TCF21: variants seen among roughly 807,000 people sequenced by gnomAD.
TCF21 encodes capsulin.
In TCF21, 3 loss-of-function variants were observed where a neutral mutation model predicts 13.5. The observed-to-expected ratio is 0.22, with a 90% CI of 0.10 to 0.57. The LOEUF (loss-of-function observed/expected upper bound fraction) is 0.57. Ranked by LOEUF, TCF21 falls within the 20% of genes least tolerant of loss-of-function variation. The pLI is 0.92. For missense variants in TCF21, 181 were observed against 238.4 expected, an observed-to-expected ratio of 0.76 and a Z score of 1.59; for synonymous variants, 92 against 101.7, an observed-to-expected ratio of 0.90 and a Z score of 0.57.
downstream of TCF21, chr6:133,892,669 A>G (rs1775238702): frequency 1.3e-5 from 2 of 152,242 alleles, no homozygotes; most frequent in South Asian, 4.1e-4. Context: ...TGAAGAAATA[A>G]TAGAAGCTAT....
downstream of TCF21, chr6:133,894,577 T>C (rs568502416): frequency 2.0e-5 from 3 of 152,978 alleles, no homozygotes; most frequent in East Asian, 5.8e-4. Flanking sequence ...ACATCTCTCC[T>C]TCTCAGTGAG....
At chr6:133,890,549 A>G (rs1460402775) in intron 1 of TCF21, among the ~76,000 whole-genome samples, 2 of 152,232 alleles carry the variant, frequency 1.3e-5, no homozygotes, top group Non-Finnish European at 2.9e-5. Context: ...TTTTATCTTA[A>G]AAAGTAATGC....
chr6:133,890,081 T>C (rs1296521284), intron 1 of TCF21, among the ~76,000 whole-genome samples: 1 of 152,184 alleles, frequency 6.6e-6, no homozygotes, highest in Non-Finnish European at 1.5e-5. Context: ...GGGTTTGACG[T>C]GGCAGCCCAA....
chr6:133,889,880 G>A lies in TCF21; in HGVS notation c.450+33G>A. 2 of 1,611,212 alleles carry A rather than the reference G, an allele frequency of 1.2e-6. No homozygotes were observed. Among genetic ancestry groups the A allele is most frequent in the Non-Finnish European group, 1.7e-6 (2 of 1,178,852 alleles). ...CTCCCGGGGCTGCAGCTGCAGTCCA[G>A]GCGCGCCCGCACTCCCGCCTGCGGT... On this transcript the variant is annotated intron_variant, in intron 1 of 1. Transcript: ENST00000367882. The surrounding 1 kb of genome is among the most constrained non-coding windows in gnomAD (Gnocchi z 5.1).
At chr6:133,895,515 G>GA (rs1229495514), downstream of TCF21, 2 of 152,198 alleles carry the variant, frequency 1.3e-5, no homozygotes, top group Non-Finnish European at 2.9e-5. Context: ...CTTGTCTTCA[G>GA]AAAATAAAAG....
chr6:133,890,322 A>G (rs1583771163), intron 1 of TCF21, among the ~76,000 whole-genome samples: 1 of 152,144 alleles, frequency 6.6e-6, no homozygotes, highest in East Asian at 1.9e-4. Flanking sequence ...TCACAAGCAT[A>G]TTTAGGACCA....
In TCF21 at chr6:133,889,240, C is replaced by G; in HGVS notation, c.-158C>G. On this transcript the variant is annotated 5_prime_UTR_variant, in exon 1 of 2. Coordinates refer to ENST00000367882, the MANE Select transcript of TCF21 (RefSeq NM_003206.4). This position sits in a 1 kb window ranked among gnomAD's most constrained non-coding sequence, Gnocchi z 5.1. Reference sequence around the variant, plus strand: ...GCGAAGGGGAAAGGGTTGTGAGACCCAACCAGACCCCAACTCCAGCTCCCA... The same window carrying G: ...GCGAAGGGGAAAGGGTTGTGAGACCGAACCAGACCCCAACTCCAGCTCCCA... The G allele has an allele frequency of 1.1e-6, 1 of 927,058 alleles. No homozygotes were observed. Among genetic ancestry groups the G allele is most frequent in the Non-Finnish European group, 1.7e-6 (1 of 590,726 alleles). The allele number at this position is 927,058 out of a possible 1,614,324, so 57.4% of individuals were successfully genotyped here. A position where few individuals can be genotyped will look rare whatever the true frequency, so the allele number is the denominator to read the frequency against.
In TCF21 at chr6:133,889,654, C is replaced by G. The variant is rs746946971; in HGVS notation, c.257C>G (p.Ala86Gly). Reference sequence around the variant, plus strand: ...CAGGTCCAGCGCAACGCCGCCAACGCGCGAGAGCGGGCCCGCATGCGAGTG... The same window carrying G: ...CAGGTCCAGCGCAACGCCGCCAACGGGCGAGAGCGGGCCCGCATGCGAGTG... ...GKQVQRNAAN[A>G]RERARMRVLS... The change falls in exon 1 of 2, where the codon GCG (alanine) becomes GGG (glycine). Residue 86 changes from alanine (A) to glycine (G), a missense_variant. Physicochemically the swap from Ala to Gly is moderately conservative, Grantham distance 60. Transcript: ENST00000367882. The surrounding 1 kb of genome is among the most constrained non-coding windows in gnomAD (Gnocchi z 5.1). 6.2e-7 allele frequency: 1 copy of G among 1,613,838 alleles called. No homozygotes were observed. The highest frequency in any genetic ancestry group is 8.5e-7 in the Non-Finnish European group (1 of 1,179,954).
chr6:133,894,519 A>T (rs1775271077), downstream of TCF21: 2 of 152,376 alleles, frequency 1.3e-5, no homozygotes. Flanking sequence ...CAGGAACATG[A>T]CAACGTGACC....
downstream of TCF21, chr6:133,892,833 A>G (rs538697276): frequency 1.6e-4 from 24 of 152,348 alleles, no homozygotes; most frequent in Admixed American, 1.0e-3. Context: ...GGGTGCGTTT[A>G]GCTCCCGCCA....
Position 133,891,752 on chromosome 6 carries a change from C to T in TCF21, c.490C>T (p.Leu164=). The T allele has an allele frequency of 3.1e-6, 5 of 1,614,046 alleles. No homozygotes were observed. The highest frequency in any genetic ancestry group is 4.2e-6 in the Non-Finnish European group (5 of 1,180,012). ...GGTGGCCGGGAAACCCGAGAGTGAC[C>T]TGAAAGAAGTGGTGACCGCGAGCCG... The part of the protein sequence containing the change: ...FMVAGKPESD[L]KEVVTASRLC... The change falls in exon 2 of 2, where the codon CTG becomes TTG. Residue 164 remains leucine, a synonymous_variant. Transcript: ENST00000367882.
downstream of TCF21, chr6:133,893,154 G>C (rs1436200491): frequency 6.6e-6 from 1 of 152,216 alleles, no homozygotes; most frequent in Non-Finnish European, 1.5e-5. Context: ...TCTCGGCTTA[G>C]TTTGGTACCT....
Position 133,891,707 on chromosome 6 carries a change from C to G in TCF21, c.451-6C>G. On this transcript the variant is annotated splice_polypyrimidine_tract_variant and splice_region_variant and intron_variant, in intron 1 of 1. Transcript: ENST00000367882. ...CTTACCTCCTCCACCCTCTTCTTTC[C>G]CGCAGACGTGGCCCTTTATGGTGGC... is the stretch of plus-strand genomic sequence containing the variant. The G allele has an allele frequency of 6.2e-7, 1 of 1,611,228 alleles. No individual in the cohort carries two copies. The highest frequency in any genetic ancestry group is 8.5e-7 in the Non-Finnish European group (1 of 1,178,372).
downstream of TCF21, chr6:133,893,791 AGT>A (rs1453946901): frequency 2.0e-5 from 3 of 152,228 alleles, no homozygotes; most frequent in African/African-American, 7.2e-5. Context: ...GGCTATCTAT[AGT>A]TCCCTACCAA....
rs1775163334 is a variant in TCF21, at chr6:133,889,315, C to T, written c.-83C>T. 1.3e-6 allele frequency: 2 copies of T among 1,568,156 alleles called. No homozygotes were observed. The highest frequency in any genetic ancestry group is 1.1e-5 in the South Asian group (1 of 90,034). On this transcript the variant is annotated 5_prime_UTR_variant, in exon 1 of 2. Coordinates refer to ENST00000367882, the MANE Select transcript of TCF21 (RefSeq NM_003206.4). The surrounding 1 kb of genome is among the most constrained non-coding windows in gnomAD (Gnocchi z 5.1). ...GGGAGGCCTCTTGGTTTCAGGGTCT[C>T]TCTGTCTCTCTCTCACCCTCTTCCT...
In TCF21 at chr6:133,889,171, G is replaced by C. The variant is rs1775160194; in HGVS notation, c.-227G>C. On this transcript the variant is annotated 5_prime_UTR_variant, in exon 1 of 2. Transcript: ENST00000367882. This position sits in a 1 kb window ranked among gnomAD's most constrained non-coding sequence, Gnocchi z 5.1. Reference sequence around the variant, plus strand: ...CTGGGAGTGGGGAAACAGAGAGCCGGTTCCTCTGCTGCAGAAGTCCTCGGG... The same window carrying C: ...CTGGGAGTGGGGAAACAGAGAGCCGCTTCCTCTGCTGCAGAAGTCCTCGGG... The C allele has an allele frequency of 1.7e-6, 1 of 592,502 alleles. No individual in the cohort carries two copies. The highest frequency in any genetic ancestry group is 3.0e-6 in the Non-Finnish European group (1 of 333,838). 36.7% of individuals were successfully genotyped at this position (592,502 alleles called of 1,614,324 possible). A position where few individuals can be genotyped will look rare whatever the true frequency, so the allele number is the denominator to read the frequency against.
At chr6:133,891,692 C>G (rs1256299587) in intron 1 of TCF21, 21 bp from the exon 2 acceptor site, 4 of 1,604,462 alleles carry the variant, frequency 2.5e-6, no homozygotes, top group Non-Finnish European at 3.4e-6. Context: ...CTTACCTCCT[C>G]CACCCTCTTC....
chr6:133,891,667 C>A lies in TCF21; in HGVS notation c.451-46C>A, dbSNP rs753239680. 6.9e-6 allele frequency: 11 copies of A among 1,598,762 alleles called. No individual in the cohort carries two copies. In the South Asian group the frequency reaches 7.8e-5, roughly 11 times the overall value. The stretch of plus-strand genomic sequence containing the variant: ...CTCAGGCCCCGAGTCCACCCCACCC[C>A]CTCCGCCACGGCCACTTACCTCCTC... On this transcript the variant is annotated intron_variant, in intron 1 of 1. Coordinates refer to ENST00000367882, the MANE Select transcript of TCF21 (RefSeq NM_003206.4).
chr6:133,891,672 GCCACGGCCACTTACCTCCT>G, intron 1 of TCF21, 22 bp from the exon 2 acceptor site: 1 of 448,846 alleles, frequency 2.2e-6, no homozygotes, highest in East Asian at 1.0e-4. Context: ...CACCCCCTCC[GCCACGGCCACTTACCTCCT>G]CCACCCTCTT....
Sources: gnomAD v4.1 joint callset for allele counts (sites outside exome capture counted in the v4.1 genomes callset) on GRCh38, gnomAD v4.1.1 for gene constraint, Gnocchi (gnomAD v3.1) non-coding constraint, MANE v1.5 for transcripts, NCBI Gene and HGNC (gene_info 2026-07-23, HGNC 2026-07-21) for gene names.